Variants in SALL3 observed in about 807,000 individuals in gnomAD.
SALL3 encodes spalt like transcription factor 3.
SALL3 carries 25 observed loss-of-function variants against 66.2 expected under a neutral mutation model. The observed-to-expected ratio is 0.38, with a 90% CI of 0.28 to 0.53. The LOEUF is 0.53. SALL3 is among the 20% of genes least tolerant of loss of function. The pLI, the probability that SALL3 is intolerant of heterozygous loss-of-function variation, is 0.85. For synonymous variants in SALL3, 1,152 were observed against 899.1 expected, an observed-to-expected ratio of 1.28 and a Z score of -5.03; for missense variants, 2,194 against 1,916.5, an observed-to-expected ratio of 1.14 and a Z score of -2.70.
At position 78,994,811 on chromosome 18, in the gene SALL3, C is replaced by T. The variant is rs780034443; in HGVS notation, c.2820C>T (p.Ser940=). ...CGCTCAAGACCGAGAGGCCGGACAG[C>T]CCAGCCGCCGCCCCGGGCAGCGGAG... ...EIPLKTERPD[S]PAAAPGSGGA... The change falls in exon 2 of 3, where the codon AGC becomes AGT. Residue 940 remains serine (S), a synonymous_variant. Coordinates refer to ENST00000537592, the MANE Select transcript of SALL3 (RefSeq NM_171999.4). The T allele has an allele frequency of 3.1e-6, 5 of 1,595,844 alleles. No individual in the cohort carries two copies. In the East Asian group the frequency reaches 9.1e-5, roughly 29 times the overall value.
Position 78,994,390 on chromosome 18 carries a change from T to G in SALL3, c.2399T>G (p.Met800Arg), listed in dbSNP as rs777766731. 2.5e-6 allele frequency: 4 copies of G among 1,613,226 alleles called. No homozygotes were observed. Among genetic ancestry groups the G allele is most frequent in the Admixed American group, 1.7e-5 (1 of 60,022 alleles). The change falls in exon 2 of 3, where the codon ATG becomes AGG. Residue 800 changes from methionine to arginine, a missense_variant. Physicochemically the swap from Met to Arg is moderately conservative, Grantham distance 91. Transcript: ENST00000537592. ...AETLSSYDDD[M>R]DENSMEDDAE... ...ACCCTGAGCAGCTACGATGACGACA[T>G]GGACGAGAACTCCATGGAGGACGAC...
chr18:78,993,073 C>A lies in SALL3; in HGVS notation c.1082C>A (p.Pro361Gln). 6 of 1,595,826 alleles carry A rather than the reference C, an allele frequency of 3.8e-6. No homozygotes were observed. The highest frequency in any genetic ancestry group is 2.3e-5 in the East Asian group (1 of 44,322). The change falls in exon 2 of 3, where the codon CCG becomes CAG. Residue 361 changes from proline (P) to glutamine (Q), a missense_variant. By Grantham distance (76) the Pro-to-Gln change is moderately conservative. Transcript: ENST00000537592. ...GGTGCGGCGCCCGGCCTGCCAAGTC[C>A]GCTTCTACCTCAGACTTCCGCCAGC... is the stretch of plus-strand genomic sequence containing the variant. ...LLGAAPGLPS[P>Q]LLPQTSASGV...
chr18:78,990,094 C>A (rs1213935069), intron 1 of SALL3, among the ~76,000 whole-genome samples: 2 of 152,118 alleles, frequency 1.3e-5, no homozygotes, highest in African/African-American at 2.4e-5. Flanking sequence ...TATTCCATAA[C>A]CTTTGCGGGT....
intron 1 of SALL3, among the ~76,000 whole-genome samples, chr18:78,985,645 G>A (rs1301708044): frequency 6.6e-6 from 1 of 152,168 alleles, no homozygotes; most frequent in Admixed American, 6.5e-5. Flanking sequence ...GAGTGTGAGC[G>A]GGCTGATGGT....
At chr18:78,990,690 T>C (rs1469139359) in intron 1 of SALL3, among the ~76,000 whole-genome samples, 2 of 152,254 alleles carry the variant, frequency 1.3e-5, no homozygotes, top group Non-Finnish European at 2.9e-5. Context: ...GTTCTCACAC[T>C]CAACTGTGCG....
At chr18:78,981,304 G>T (rs1174328202) in intron 1 of SALL3, among the ~76,000 whole-genome samples, 1 of 152,184 alleles carries the variant, frequency 6.6e-6, no homozygotes, top group Non-Finnish European at 1.5e-5. Flanking sequence ...CCCCCAGGGC[G>T]CCAGGAAAGA....
Position 78,992,493 on chromosome 18 carries a change from C to T in SALL3, c.502C>T (p.Leu168=). 6.8e-7 allele frequency: 1 copy of T among 1,468,222 alleles called. No homozygotes were observed. Among genetic ancestry groups the T allele is most frequent in the Non-Finnish European group, 9.0e-7 (1 of 1,113,824 alleles). 90.9% of individuals were successfully genotyped at this position (1,468,222 alleles called of 1,614,324 possible). Residue 168 remains leucine (L), a synonymous_variant, in exon 2 of 3, where the codon CTG becomes TTG. Coordinates refer to ENST00000537592, the MANE Select transcript of SALL3 (RefSeq NM_171999.4). ...AYGAPSTNVT[L]EALLSTKVAV... ...CGGCGCGCCCAGCACCAACGTGACC[C>T]TGGAGGCGCTGCTGAGCACCAAGGT...
rs769231226 is a variant in SALL3 at position 78,997,286 on chromosome 18, G to A, written c.3867G>A (p.Arg1289=). The A allele has an allele frequency of 6.2e-7, 1 of 1,613,956 alleles. No homozygotes were observed. The highest frequency in any genetic ancestry group is 1.1e-5 in the South Asian group (1 of 91,074). The change falls in exon 3 of 3, where the codon CGG becomes CGA. Residue 1289 remains arginine (R), a synonymous_variant. Coordinates refer to ENST00000537592, the MANE Select transcript of SALL3 (RefSeq NM_171999.4). ...CAGCAGCCAGCCGCCCATTCACGCG[G>A]TTTATCGAGGATAACAAGGAGATTG... ...SETAASRPFT[R]FIEDNKEIGI...
chr18:78,986,730 C>T (rs1224487777), intron 1 of SALL3, among the ~76,000 whole-genome samples: 1 of 152,208 alleles, frequency 6.6e-6, no homozygotes, highest in Non-Finnish European at 1.5e-5. Flanking sequence ...AAGTTAACAA[C>T]CCTTTCCCTG....
Position 78,996,921 on chromosome 18 carries a change from G to A in SALL3, c.3502G>A (p.Ala1168Thr), listed in dbSNP as rs773214438. 8.1e-6 allele frequency: 13 copies of A among 1,612,468 alleles called. No homozygotes were observed. Among genetic ancestry groups the A allele is most frequent in the Admixed American group, 3.3e-5 (2 of 59,966 alleles). Residue 1168 changes from alanine (A) to threonine (T), a missense_variant, in exon 3 of 3, where the codon GCC becomes ACC. Ala to Thr is a moderately conservative substitution (Grantham distance 58). Transcript: ENST00000537592. ...VHMGTHMWNNAPARRGRRLSV... is the reference protein window; with the variant it reads ...VHMGTHMWNNTPARRGRRLSV... ...CATGGGGACACACATGTGGAATAACGCCCCCGCGAGACGCGGCCGCCGCCT... is the reference window on the plus strand; with the variant it reads ...CATGGGGACACACATGTGGAATAACACCCCCGCGAGACGCGGCCGCCGCCT...
intron 1 of SALL3, among the ~76,000 whole-genome samples, chr18:78,981,788 T>G (rs1914083711): frequency 6.6e-6 from 1 of 152,236 alleles, no homozygotes; most frequent in African/African-American, 2.4e-5. Flanking sequence ...TTTTGTTTAC[T>G]TCATCACATA....
chr18:78,995,222 TC>T lies in SALL3; in HGVS notation c.3236del (p.Pro1079ArgfsTer15). On this transcript the variant is annotated frameshift_variant, in exon 2 of 3. Coordinates refer to ENST00000537592, the MANE Select transcript of SALL3 (RefSeq NM_171999.4). LOFTEE classifies it high-confidence loss of function. ...HGKAMALGEG[P>X]PLPAGVQVPA... is the part of the protein sequence containing the mutation. Reference sequence around the variant, plus strand: ...GCAAGGCCATGGCGCTGGGCGAGGGTCCCCCGCTGCCCGCGGGCGTCCAGGT... The same window carrying T: ...GCAAGGCCATGGCGCTGGGCGAGGGTCCCCGCTGCCCGCGGGCGTCCAGGT... 1 of 1,605,828 alleles carries T rather than the reference TC, an allele frequency of 6.2e-7. No individual in the cohort carries two copies.
chr18:78,995,071 A>G lies in SALL3; in HGVS notation c.3080A>G (p.His1027Arg), dbSNP rs1175781890. ...MGNLKQHLLT[H>R]RLKELPSQLF... ...AATTTAAAACAGCACTTACTGACAC[A>G]CAGATTGAAAGAGCTGCCTTCTCAG... The change falls in exon 2 of 3, where the codon CAC (histidine) becomes CGC (arginine). Residue 1027 changes from histidine (H) to arginine (R), a missense_variant. Transcript: ENST00000537592. The G allele has an allele frequency of 6.2e-6, 10 of 1,613,776 alleles. No individual in the cohort carries two copies. The Admixed American group carries it at 1.3e-4, about 22-fold the overall frequency.
At chr18:78,985,057 G>C (rs911111529) in intron 1 of SALL3, 2 of 152,218 alleles carry the variant, frequency 1.3e-5, no homozygotes, top group Non-Finnish European at 2.9e-5. Flanking sequence ...GCTTCCGACC[G>C]TCTCTCCCTG....
intron 1 of SALL3, among the ~76,000 whole-genome samples, chr18:78,983,792 T>C (rs952136256): frequency 6.6e-6 from 1 of 152,190 alleles, no homozygotes; most frequent in Non-Finnish European, 1.5e-5. Context: ...CACAGGCAGA[T>C]TGCTTTCTCT....
At chr18:78,996,204 C>T in intron 2 of SALL3, among the ~76,000 whole-genome samples, 1 of 152,302 alleles carries the variant, frequency 6.6e-6, no homozygotes, top group South Asian at 2.1e-4. Flanking sequence ...GCAGCAGCAG[C>T]GGTAGAGCGG....
In SALL3 at chr18:78,994,456, T is replaced by G. The variant is rs779988228; in HGVS notation, c.2465T>G (p.Leu822Arg). Residue 822 changes from leucine to arginine, a missense_variant, in exon 2 of 3, where the codon CTC becomes CGC. Coordinates refer to ENST00000537592, the MANE Select transcript of SALL3 (RefSeq NM_171999.4). ...KDAATDPAKPLLSYAGSCPPS... is the reference protein window; with the variant it reads ...KDAATDPAKPRLSYAGSCPPS... ...GCGGCCACCGACCCGGCCAAGCCACTCCTGTCCTACGCGGGGTCCTGCCCG... is the reference window on the plus strand; with the variant it reads ...GCGGCCACCGACCCGGCCAAGCCACGCCTGTCCTACGCGGGGTCCTGCCCG... 1.2e-6 allele frequency: 2 copies of G among 1,612,620 alleles called. No homozygotes were observed. Among genetic ancestry groups the G allele is most frequent in the Non-Finnish European group, 1.7e-6 (2 of 1,179,874 alleles).
chr18:78,980,504 C>G (rs1914000323), intron 1 of SALL3, 148 bp downstream of exon 1: 1 of 423,102 alleles, frequency 2.4e-6, no homozygotes, highest in Non-Finnish European at 3.7e-6. Flanking sequence ...CGCGCCAGGC[C>G]GGCCGCGGGG....
Position 78,993,066 on chromosome 18 carries a change from C to G in SALL3, c.1075C>G (p.Pro359Ala), listed in dbSNP as rs781640431. 3.1e-6 allele frequency: 5 copies of G among 1,593,436 alleles called. No individual in the cohort carries two copies. The highest frequency in any genetic ancestry group is 3.4e-6 in the Non-Finnish European group (4 of 1,175,318). Residue 359 changes from proline (P) to alanine (A), a missense_variant, in exon 2 of 3, where the codon CCA becomes GCA. Coordinates refer to ENST00000537592, the MANE Select transcript of SALL3 (RefSeq NM_171999.4). ...GSLLGAAPGL[P>A]SPLLPQTSAS... Reference sequence around the variant, plus strand: ...CCTGCTGGGTGCGGCGCCCGGCCTGCCAAGTCCGCTTCTACCTCAGACTTC... The same window carrying G: ...CCTGCTGGGTGCGGCGCCCGGCCTGGCAAGTCCGCTTCTACCTCAGACTTC...
Sources: gnomAD v4.1 joint callset for allele counts (sites outside exome capture counted in the v4.1 genomes callset) on GRCh38, gnomAD v4.1.1 for gene constraint, MANE v1.5 for transcripts, NCBI Gene and HGNC (gene_info 2026-07-23, HGNC 2026-07-21) for gene names.